SLC6A13: variants seen among roughly 807,000 people sequenced by gnomAD.
SLC6A13 encodes the protein sodium- and chloride-dependent GABA transporter 2.
A neutral mutation model predicts 72.9 loss-of-function variants in SLC6A13; 69 were observed. That is an observed-to-expected ratio of 0.95 (90% CI 0.78 to 1.16). The LOEUF (loss-of-function observed/expected upper bound fraction) is 1.16. Among genes scored for constraint, SLC6A13 ranks in the 50% most tolerant of loss-of-function variants. The pLI, the probability that SLC6A13 is intolerant of heterozygous loss-of-function variation, is 0.00. For missense variants in SLC6A13, 735 were observed against 760.5 expected, an observed-to-expected ratio of 0.97 and a Z score of 0.39; for synonymous variants, 303 against 303.0, an observed-to-expected ratio of 1.00 and a Z score of 0.00.
Position 231,707 on chromosome 12 carries a change from C to T in SLC6A13, c.831+3383G>A, listed in dbSNP as rs1941716569. Among the ~76,000 whole-genome samples, 3 of 152,198 alleles carry T rather than the reference C, an allele frequency of 2.0e-5. No homozygotes were observed. The East Asian group carries it at 5.8e-4, about 29-fold the overall frequency. On this transcript the variant is annotated intron_variant, in intron 7 of 14. Coordinates refer to ENST00000343164, the MANE Select transcript of SLC6A13 (RefSeq NM_016615.5). Reference sequence around the variant, plus strand: ...GTAGAGACTGAAAGAGGTCTTTGTCCCTGCAGTCACCCAGACAGAGACTTA... The same window carrying T: ...GTAGAGACTGAAAGAGGTCTTTGTCTCTGCAGTCACCCAGACAGAGACTTA...
At position 252,918 on chromosome 12, in the gene SLC6A13, G is replaced by A. The variant is rs150042042; in HGVS notation, c.202+6933C>T. Among the ~76,000 whole-genome samples, 1,006 of 152,342 alleles carry A rather than the reference G, an allele frequency of 6.6e-3. 15 individuals are homozygous for A. The highest frequency in any genetic ancestry group is 0.024 in the African/African-American group (980 of 41,568). ...GGACAAAGTCCACACCTGCAAGGAG[G>A]GGCTACAGGCCCTAGAAGTGTGAGA... On this transcript the variant is annotated intron_variant, in intron 2 of 14. Coordinates refer to ENST00000343164, the MANE Select transcript of SLC6A13 (RefSeq NM_016615.5).
At chr12:260,131 A>G in intron 1 of SLC6A13, 74 bp from the exon 2 acceptor site, 1 of 1,503,700 alleles carries the variant, frequency 6.7e-7, no homozygotes, top group Admixed American at 1.8e-5. Flanking sequence ...TTTTACCAAC[A>G]AATCCATAAG....
intron 2 of SLC6A13, chr12:256,772 C>T (rs1942760387): frequency 6.6e-6 from 1 of 152,246 alleles, no homozygotes; most frequent in South Asian, 2.1e-4. Flanking sequence ...ATTGCCCTCC[C>T]CTCCCCGCCA....
At chr12:226,804 C>G (rs1941475450) in intron 8 of SLC6A13, 1 of 286,764 alleles carries the variant, frequency 3.5e-6, no homozygotes, top group Non-Finnish European at 6.7e-6. Flanking sequence ...AACCGCCACA[C>G]AGCCGCCCCT....
intron 1 of SLC6A13, among the ~76,000 whole-genome samples, chr12:261,696 C>T (rs1202815638): frequency 6.6e-6 from 1 of 152,132 alleles, no homozygotes; most frequent in Non-Finnish European, 1.5e-5. Flanking sequence ...GAGGCCGAGG[C>T]GGGTGGATCT....
At chr12:225,100 C>T (rs1941386803) in intron 9 of SLC6A13, among the ~76,000 whole-genome samples, 1 of 152,260 alleles carries the variant, frequency 6.6e-6, no homozygotes, top group South Asian at 2.1e-4. Context: ...GACACACGCC[C>T]TCGCGGCGCG....
At chr12:225,070 A>G (rs1013513419) in intron 9 of SLC6A13, among the ~76,000 whole-genome samples, 3 of 152,256 alleles carry the variant, frequency 2.0e-5, no homozygotes, top group Admixed American at 6.5e-5. Flanking sequence ...CTACACTGGC[A>G]CTGGTTTCAG....
chr12:226,581 T>G, intron 8 of SLC6A13, 67 bp from the exon 9 acceptor site: 1 of 1,539,050 alleles, frequency 6.5e-7, no homozygotes, highest in East Asian at 2.4e-5. Flanking sequence ...CTCTCCTGCT[T>G]CCTGTCTGGG....
At chr12:255,917 C>T (rs1230884698) in intron 2 of SLC6A13, among the ~76,000 whole-genome samples, 2 of 152,144 alleles carry the variant, frequency 1.3e-5, no homozygotes, top group African/African-American at 2.4e-5. Context: ...ACTCTTGCTT[C>T]GTTTCAACCT....
intron 7 of SLC6A13, among the ~76,000 whole-genome samples, chr12:232,250 T>C (rs1427114025): frequency 6.6e-6 from 1 of 152,234 alleles, no homozygotes; most frequent in African/African-American, 2.4e-5. Context: ...TTCCTGATCA[T>C]GCCTCCTTCC....
chr12:247,405 C>T lies in SLC6A13; in HGVS notation c.203-3592G>A, dbSNP rs192563354. Among the ~76,000 whole-genome samples, 451 of 152,138 alleles carry T rather than the reference C, an allele frequency of 3.0e-3. 1 individual carries two copies. Among genetic ancestry groups the T allele is most frequent in the Non-Finnish European group, 4.2e-3 (284 of 67,984 alleles). ...ATCAAATTTCTCATTTAAAACAATG[C>T]AAAAGAGAAGACAGTGATAAGGAAG... is the stretch of plus-strand genomic sequence containing the variant. On this transcript the variant is annotated intron_variant, in intron 2 of 14. Coordinates refer to ENST00000343164, the MANE Select transcript of SLC6A13 (RefSeq NM_016615.5).
chr12:229,554 A>G (rs1941616731), intron 7 of SLC6A13, among the ~76,000 whole-genome samples: 1 of 152,240 alleles, frequency 6.6e-6, no homozygotes. Flanking sequence ...TTATAGAGAA[A>G]GTGCTTCCCC....
Position 220,871 on chromosome 12 carries a change from TG to T in SLC6A13, c.*76del. On this transcript the variant is annotated 3_prime_UTR_variant, in exon 15 of 15. Coordinates refer to ENST00000343164, the MANE Select transcript of SLC6A13 (RefSeq NM_016615.5). ...TCCAGGTCGGGGGCAGGGAAGCACATGGGGCTGCTTCTGCCACGTTCCCTCC... is the reference window on the plus strand; with the variant it reads ...TCCAGGTCGGGGGCAGGGAAGCACATGGGCTGCTTCTGCCACGTTCCCTCC... 5 of 1,570,770 alleles carry T rather than the reference TG, an allele frequency of 3.2e-6. No homozygotes were observed. Among genetic ancestry groups the T allele is most frequent in the Non-Finnish European group, 3.5e-6 (4 of 1,157,036 alleles).
intron 4 of SLC6A13, among the ~76,000 whole-genome samples, chr12:241,217 T>C (rs1942154151): frequency 6.6e-6 from 1 of 152,090 alleles, no homozygotes; most frequent in Admixed American, 6.5e-5. Context: ...AGCAGAGAAT[T>C]GCTTGAACCT....
At chr12:238,454 A>T in intron 4 of SLC6A13, 3 of 595,204 alleles carry the variant, frequency 5.0e-6, no homozygotes, top group Non-Finnish European at 8.4e-6. Flanking sequence ...AGCTGTGGGT[A>T]AGTTATAACT....
At chr12:260,475 T>G (rs1942890757) in intron 1 of SLC6A13, among the ~76,000 whole-genome samples, 2 of 152,234 alleles carry the variant, frequency 1.3e-5, no homozygotes, top group African/African-American at 4.8e-5. Flanking sequence ...ATTTTACATG[T>G]CCTCAAAGCC....
intron 2 of SLC6A13, chr12:259,414 AACG>A (rs1459972895): frequency 9.3e-7 from 1 of 1,079,310 alleles, no homozygotes; most frequent in Non-Finnish European, 1.1e-6. Flanking sequence ...TTTGGTTATC[AACG>A]TCATCATCAG....
chr12:240,424 C>G (rs927119408), intron 4 of SLC6A13, among the ~76,000 whole-genome samples: 4 of 152,202 alleles, frequency 2.6e-5, no homozygotes, highest in African/African-American at 9.7e-5. Flanking sequence ...AGGTTGGTCT[C>G]AAACTCCTGA....
intron 4 of SLC6A13, 75 bp downstream of exon 4, chr12:242,539 A>T (rs952579666): frequency 2.8e-5 from 37 of 1,345,380 alleles, no homozygotes; most frequent in Non-Finnish European, 3.5e-5. Context: ...TTAAGCGGGG[A>T]TATAGTGACA....
Sources: gnomAD v4.1 joint callset for allele counts (sites outside exome capture counted in the v4.1 genomes callset) on GRCh38, gnomAD v4.1.1 for gene constraint, MANE v1.5 for transcripts, NCBI Gene and HGNC (gene_info 2026-07-23, HGNC 2026-07-21) for gene names.